BMP2K: variants seen among roughly 807,000 people sequenced by gnomAD.
The protein encoded by BMP2K is BMP-2-inducible protein kinase.
BMP2K carries 74 observed loss-of-function variants against 116.0 expected under a neutral mutation model. That is an observed-to-expected ratio of 0.64 (90% CI 0.53 to 0.77). BMP2K has a LOEUF of 0.77. Ranked by LOEUF, BMP2K falls within the 30% of genes least tolerant of loss-of-function variation. BMP2K has a pLI of 0.00. For synonymous variants in BMP2K, 486 were observed against 502.5 expected (o/e 0.97, Z 0.44); for missense variants, 1,365 against 1,403.6 (o/e 0.97, Z 0.44).
chr4:78,788,376 ATTT>A (rs1264545181), intron 1 of BMP2K, among the ~76,000 whole-genome samples: 4 of 135,060 alleles, frequency 3.0e-5, no homozygotes, highest in Admixed American at 7.5e-5. Flanking sequence ...GGATCTAAGG[ATTT>A]TTTTTTTTTT....
chr4:78,910,538 A>G (rs577428868), intron 15 of BMP2K, 72 bp from the exon 16 acceptor site: 1 of 1,220,068 alleles, frequency 8.2e-7, no homozygotes, highest in Non-Finnish European at 1.1e-6. Flanking sequence ...TGTGTAATAC[A>G]TATTAACATT....
At chr4:78,864,850 A>G (rs925459329) in intron 9 of BMP2K, among the ~76,000 whole-genome samples, 1 of 152,220 alleles carries the variant, frequency 6.6e-6, no homozygotes, top group Non-Finnish European at 1.5e-5. Context: ...GTTGATAAAT[A>G]TATAAATATT....
chr4:78,796,813 G>A (rs145729332), intron 1 of BMP2K, among the ~76,000 whole-genome samples: 1 of 152,242 alleles, frequency 6.6e-6, no homozygotes, highest in African/African-American at 2.4e-5. Flanking sequence ...TGGAGAAAGA[G>A]TAATATTAGA....
rs550540993 is a variant in BMP2K at position 78,861,269 on chromosome 4, G to A, written c.988-120G>A. On this transcript the variant is annotated intron_variant, in intron 8 of 15. Transcript: ENST00000502613. Reference sequence around the variant, plus strand: ...TGTGAATAATTTATAGGTATCTGATGTGAAAGTAATAGTGTCTCATAGTAC... The same window carrying A: ...TGTGAATAATTTATAGGTATCTGATATGAAAGTAATAGTGTCTCATAGTAC... The A allele has an allele frequency of 2.1e-5, 14 of 669,618 alleles. No homozygotes were observed. In the African/African-American group the frequency reaches 2.4e-4, roughly 11 times the overall value. The allele number at this position is 669,618 out of a possible 1,614,324, so 41.5% of individuals were successfully genotyped here.
At chr4:78,851,444 T>TA (rs1471908651) in intron 7 of BMP2K, among the ~76,000 whole-genome samples, 1 of 152,110 alleles carries the variant, frequency 6.6e-6, no homozygotes, top group East Asian at 1.9e-4. Context: ...CAAAATTTAT[T>TA]AAAAAGATTT....
intron 1 of BMP2K, among the ~76,000 whole-genome samples, chr4:78,795,194 CT>C (rs1241733607): frequency 1.3e-5 from 2 of 152,122 alleles, no homozygotes; most frequent in African/African-American, 2.4e-5. Context: ...ACTTTTTTGT[CT>C]TTCTCTCTCA....
intron 4 of BMP2K, among the ~76,000 whole-genome samples, chr4:78,842,988 A>AT (rs1466832481): frequency 5.3e-5 from 8 of 151,648 alleles, no homozygotes; most frequent in Non-Finnish European, 1.5e-5. Flanking sequence ...GTTTTCTATT[A>AT]TTTTCTATAA....
At chr4:78,900,847 A>G (rs1577975448) in intron 15 of BMP2K, among the ~76,000 whole-genome samples, 2 of 152,344 alleles carry the variant, frequency 1.3e-5, no homozygotes, top group Admixed American at 1.3e-4. Context: ...TCTGTTTGCT[A>G]TATGCAAATG....
chr4:78,914,483 T>C lies in BMP2K; in HGVS notation c.*2450T>C, dbSNP rs1281134862. The C allele has an allele frequency of 6.6e-6, 1 of 151,948 alleles. No individual in the cohort carries two copies. The highest frequency in any genetic ancestry group is 1.5e-5 in the Non-Finnish European group (1 of 67,922). The allele number at this position is 151,948 out of a possible 1,614,324, so 9.4% of individuals were successfully genotyped here. A position where few individuals can be genotyped will look rare whatever the true frequency, so the allele number is the denominator to read the frequency against. On this transcript the variant is annotated 3_prime_UTR_variant, in exon 16 of 16. Transcript: ENST00000502613. Reference sequence around the variant, plus strand: ...TTTCCTAAGGAGTATAGATTTATACTTTGCATTTTCATTCATCATCCCCCA... The same window carrying C: ...TTTCCTAAGGAGTATAGATTTATACCTTGCATTTTCATTCATCATCCCCCA...
At chr4:78,790,840 CTAA>C (rs1727960528) in intron 1 of BMP2K, among the ~76,000 whole-genome samples, 1 of 151,930 alleles carries the variant, frequency 6.6e-6, no homozygotes, top group African/African-American at 2.4e-5. Flanking sequence ...GGGTGACAGA[CTAA>C]GATCCTGTGT....
At chr4:78,802,094 A>G (rs1044466150) in intron 1 of BMP2K, among the ~76,000 whole-genome samples, 2 of 152,214 alleles carry the variant, frequency 1.3e-5, no homozygotes, top group Non-Finnish European at 2.9e-5. Flanking sequence ...TGCTCGATAT[A>G]GACTTCTCTG....
chr4:78,831,316 A>G (rs758980772), intron 2 of BMP2K, among the ~76,000 whole-genome samples: 8 of 152,244 alleles, frequency 5.3e-5, no homozygotes, highest in Non-Finnish European at 8.8e-5. Context: ...TTGAAATAGT[A>G]TGAGAATTAC....
intron 14 of BMP2K, 184 bp from the exon 15 acceptor site, chr4:78,886,990 C>T (rs918374511): frequency 1.6e-5 from 8 of 487,752 alleles, no homozygotes; most frequent in African/African-American, 7.9e-5. Context: ...GCTTTTGCAG[C>T]AACAAATATG....
At chr4:78,792,311 G>A (rs1429029422) in intron 1 of BMP2K, among the ~76,000 whole-genome samples, 1 of 152,172 alleles carries the variant, frequency 6.6e-6, no homozygotes, top group Non-Finnish European at 1.5e-5. Flanking sequence ...GAAAAAATGG[G>A]AAATACAAAG....
chr4:78,854,524 C>A (rs571082851), intron 7 of BMP2K, among the ~76,000 whole-genome samples: 1 of 151,968 alleles, frequency 6.6e-6, no homozygotes. Context: ...CTGCCTGCCT[C>A]GGCCTCCCAA....
intron 15 of BMP2K, among the ~76,000 whole-genome samples, chr4:78,899,363 G>A (rs1012241074): frequency 6.6e-6 from 1 of 152,176 alleles, no homozygotes; most frequent in African/African-American, 2.4e-5. Flanking sequence ...GGTAGGTCAA[G>A]AAAAGAGTTC....
chr4:78,829,794 TC>T (rs1560518736), intron 2 of BMP2K, among the ~76,000 whole-genome samples: 3,711 of 88,254 alleles, frequency 0.042, 173 homozygotes, highest in African/African-American at 0.14. Context: ...TCTTTTCTCT[TC>T]TCTTCTCTTC....
intron 15 of BMP2K, among the ~76,000 whole-genome samples, chr4:78,901,140 C>T (rs1733979377): frequency 6.6e-6 from 1 of 152,108 alleles, no homozygotes. Context: ...ACCTCTTGGG[C>T]TCAAGCAATC....
rs185703833 is a variant in BMP2K, at chr4:78,911,009, G to A, written c.2462G>A (p.Arg821Lys). 2.4e-5 allele frequency: 38 copies of A among 1,613,680 alleles called. No homozygotes were observed. The African/African-American group carries it at 4.1e-4, about 18-fold the overall frequency. Residue 821 changes from arginine to lysine, a missense_variant, in exon 16 of 16, where the codon AGA becomes AAA. Arg to Lys is a conservative substitution (Grantham distance 26, BLOSUM62 2). Around this residue, in one of 3 missense-constraint regions of BMP2K, gnomAD observed 596 missense variants for 623.2 expected, o/e 0.96. Transcript: ENST00000502613. ...AKYSDMSSVY[R>K]DRSGSGPTQD... is the part of the protein sequence containing the mutation. ...TACAGTGACATGAGCTCTGTCTACA[G>A]AGACAGATCTGGCAGTGGACCAACC... is the stretch of plus-strand genomic sequence containing the variant.
Sources: gnomAD v4.1 joint callset for allele counts (sites outside exome capture counted in the v4.1 genomes callset) on GRCh38, gnomAD v4.1.1 for gene constraint, gnomAD v4.1.1 regional missense constraint, MANE v1.5 for transcripts, NCBI Gene and HGNC (gene_info 2026-07-23, HGNC 2026-07-21) for gene names.